KIAA1328: variants seen among roughly 807,000 people sequenced by gnomAD.
KIAA1328 encodes protein hinderin.
A neutral mutation model predicts 68.1 loss-of-function variants in KIAA1328; 52 were observed. That is an observed-to-expected ratio of 0.76 (90% CI 0.61 to 0.96). KIAA1328 has a LOEUF of 0.96. Ranked by LOEUF, KIAA1328 falls within the 40% of genes least tolerant of loss-of-function variation. The pLI is 0.00. For synonymous variants in KIAA1328, 232 were observed against 239.4 expected (o/e 0.97, Z 0.28); for missense variants, 641 against 677.6 (o/e 0.95, Z 0.60).
intron 7 of KIAA1328, among the ~76,000 whole-genome samples, chr18:37,081,989 G>C (rs1330159823): frequency 1.3e-5 from 2 of 151,896 alleles, no homozygotes; most frequent in African/African-American, 2.4e-5. Flanking sequence ...CATTCTCCTT[G>C]TCTGAGCACA....
At chr18:37,118,878 G>A (rs2058194089) in intron 7 of KIAA1328, among the ~76,000 whole-genome samples, 1 of 152,176 alleles carries the variant, frequency 6.6e-6, no homozygotes, top group African/African-American at 2.4e-5. Context: ...ATTAGACAAT[G>A]ATTTAGAGCA....
At chr18:36,885,939 A>C in intron 5 of KIAA1328, 1 of 395,520 alleles carries the variant, frequency 2.5e-6, no homozygotes, top group Non-Finnish European at 4.4e-6. Flanking sequence ...CTGGTCTTGA[A>C]CTCCTGACCT....
At chr18:37,105,750 C>T (rs1305456780) in intron 7 of KIAA1328, among the ~76,000 whole-genome samples, 1 of 150,782 alleles carries the variant, frequency 6.6e-6, no homozygotes, top group East Asian at 2.0e-4. Flanking sequence ...AACCCCATCT[C>T]TACTAAAAAT....
Position 37,080,696 on chromosome 18 carries a change from A to C in KIAA1328, c.1232+13151A>C, listed in dbSNP as rs2056919772. On this transcript the variant is annotated intron_variant, in intron 7 of 9. Coordinates refer to ENST00000280020, the MANE Select transcript of KIAA1328 (RefSeq NM_020776.3). ...AGGCTGAGGCAGGAGAATTGCTTGA[A>C]CCTGGGAGACGGAGGTTGCAGTGCA... 2.0e-5 allele frequency among the ~76,000 whole-genome samples: 3 copies of C among 150,272 alleles called. No homozygotes were observed. In the East Asian group the frequency reaches 6.0e-4, roughly 30 times the overall value.
chr18:37,032,483 G>A (rs893904266), intron 6 of KIAA1328, among the ~76,000 whole-genome samples: 3 of 150,862 alleles, frequency 2.0e-5, no homozygotes, highest in Non-Finnish European at 4.4e-5. Context: ...GTTTGTTTAT[G>A]GTCATGCAGT....
At chr18:37,191,226 T>G (rs1457191446) in intron 9 of KIAA1328, among the ~76,000 whole-genome samples, 2 of 152,220 alleles carry the variant, frequency 1.3e-5, no homozygotes, top group African/African-American at 4.8e-5. Context: ...TCTAGTTTCT[T>G]GCACTATTTC....
intron 6 of KIAA1328, among the ~76,000 whole-genome samples, chr18:36,977,416 G>A (rs1261110247): frequency 6.6e-6 from 1 of 152,142 alleles, no homozygotes; most frequent in Admixed American, 6.5e-5. Flanking sequence ...TCTCAAAAAT[G>A]TGTAGCCTTA....
intron 4 of KIAA1328, 26 bp from the exon 5 acceptor site, chr18:36,885,531 T>G: frequency 7.3e-7 from 1 of 1,364,416 alleles, no homozygotes; most frequent in Non-Finnish European, 9.9e-7. Context: ...TGATAGATGT[T>G]AAAGGTTTTT....
At chr18:37,013,543 A>G (rs2054048190) in intron 6 of KIAA1328, among the ~76,000 whole-genome samples, 1 of 152,070 alleles carries the variant, frequency 6.6e-6, no homozygotes, top group African/African-American at 2.4e-5. Context: ...TGCCATCTTC[A>G]TATCCATGAG....
At chr18:36,940,434 T>TA (rs1327899367) in intron 5 of KIAA1328, among the ~76,000 whole-genome samples, 1 of 152,180 alleles carries the variant, frequency 6.6e-6, no homozygotes, top group Non-Finnish European at 1.5e-5. Flanking sequence ...ATAGAAAGGT[T>TA]AAACCCAGTG....
rs140225981 is a variant in KIAA1328 at position 37,221,495 on chromosome 18, G to T, written c.1524-522G>T. On this transcript the variant is annotated intron_variant, in intron 9 of 9. Coordinates refer to ENST00000280020, the MANE Select transcript of KIAA1328 (RefSeq NM_020776.3). ...TTCGACAGACAGCTTTAGTGTCCTG[G>T]ATGAGAGTGCTGGAGACAAACCACC... 7.5e-4 allele frequency among the ~76,000 whole-genome samples: 114 copies of T among 152,266 alleles called. 2 individuals are homozygous for T. In the East Asian group the frequency reaches 0.021, roughly 28 times the overall value.
chr18:36,914,283 G>A (rs2049593833), intron 5 of KIAA1328, among the ~76,000 whole-genome samples: 1 of 152,182 alleles, frequency 6.6e-6, no homozygotes, highest in Non-Finnish European at 1.5e-5. Flanking sequence ...AAGGCGCTGT[G>A]ATAAGACAGC....
intron 7 of KIAA1328, among the ~76,000 whole-genome samples, chr18:37,157,469 C>A (rs1480469172): frequency 1.3e-5 from 2 of 151,778 alleles, no homozygotes; most frequent in African/African-American, 4.8e-5. Flanking sequence ...TTGCAAATTG[C>A]TTTTATTTTA....
chr18:36,902,704 A>T (rs766301894), intron 5 of KIAA1328, among the ~76,000 whole-genome samples: 3 of 152,064 alleles, frequency 2.0e-5, no homozygotes, highest in Non-Finnish European at 4.4e-5. Flanking sequence ...CCTCTTTTAT[A>T]ACCAGGGAAA....
chr18:37,080,659 C>T (rs1333546116), intron 7 of KIAA1328, among the ~76,000 whole-genome samples: 1 of 151,666 alleles, frequency 6.6e-6, no homozygotes, highest in Non-Finnish European at 1.5e-5. Flanking sequence ...CCTGTAATCC[C>T]AGCTACTCGG....
intron 7 of KIAA1328, among the ~76,000 whole-genome samples, chr18:37,107,330 G>A (rs1055353790): frequency 6.6e-6 from 1 of 152,116 alleles, no homozygotes; most frequent in African/African-American, 2.4e-5. Context: ...AAACAAATGA[G>A]AATAAATACT....
At chr18:36,837,018 A>G (rs1408720664) in intron 3 of KIAA1328, among the ~76,000 whole-genome samples, 2 of 152,160 alleles carry the variant, frequency 1.3e-5, no homozygotes, top group Non-Finnish European at 2.9e-5. Flanking sequence ...GTCAATGGAC[A>G]TGTTCAACTT....
At chr18:36,842,308 G>GA (rs1425680011) in intron 3 of KIAA1328, among the ~76,000 whole-genome samples, 1 of 152,122 alleles carries the variant, frequency 6.6e-6, no homozygotes, top group Non-Finnish European at 1.5e-5. Flanking sequence ...GTAAGGGCTG[G>GA]AAAAAATTGC....
At chr18:37,187,127 A>G (rs891250353) in intron 9 of KIAA1328, among the ~76,000 whole-genome samples, 1 of 151,728 alleles carries the variant, frequency 6.6e-6, no homozygotes, top group Non-Finnish European at 1.5e-5. Flanking sequence ...TCATACCACT[A>G]TACTCCAGCC....
Sources: allele counts gnomAD v4.1 joint callset (sites outside exome capture counted in the v4.1 genomes callset), GRCh38; gene constraint gnomAD v4.1.1; transcripts MANE v1.5; gene names NCBI Gene and HGNC (gene_info 2026-07-23, HGNC 2026-07-21).